ELP2: variants seen among roughly 807,000 people sequenced by gnomAD.
The protein encoded by ELP2 is elongator acetyltransferase complex subunit 2, also known as elongator complex protein 2.
In ELP2, 90 loss-of-function variants were observed where a neutral mutation model predicts 119.2. The ratio of observed to expected loss-of-function variants is 0.75; its 90% CI spans 0.64 to 0.90. ELP2 has a LOEUF of 0.90. Among genes scored for constraint, ELP2 ranks in the 40% least tolerant of loss-of-function variants. ELP2 has a pLI of 0.00. For synonymous variants in ELP2, 339 were observed against 331.0 expected (o/e 1.02, Z -0.26); for missense variants, 921 against 967.8 (o/e 0.95, Z 0.64).
rs770193509 is a variant in ELP2 at position 36,171,110 on chromosome 18, T to C, written c.2274T>C (p.Asp758=). ...KICLYTWKKT[D]QVPEINDWTH... ...GCTTATATACCTGGAAAAAGACTGATCAAGTTCCAGAAATAAATGACTGGA... is the reference window on the plus strand; with the variant it reads ...GCTTATATACCTGGAAAAAGACTGACCAAGTTCCAGAAATAAATGACTGGA... Residue 758 remains aspartate, a synonymous_variant, in exon 21 of 22, where the codon GAT becomes GAC. Transcript: ENST00000358232. The C allele has an allele frequency of 6.2e-7, 1 of 1,614,098 alleles. No homozygotes were observed. The highest frequency in any genetic ancestry group is 8.5e-7 in the Non-Finnish European group (1 of 1,179,944).
At chr18:36,164,422 C>G in intron 17 of ELP2, 53 bp from the exon 18 acceptor site, 1 of 1,498,870 alleles carries the variant, frequency 6.7e-7, no homozygotes, top group South Asian at 1.1e-5. Context: ...AAAATGTTTT[C>G]TCTTCAGTTT....
intron 3 of ELP2, chr18:36,137,128 G>C (rs1187641227): frequency 6.6e-6 from 1 of 152,174 alleles, no homozygotes. Flanking sequence ...AGTTATGTGT[G>C]TATAATTATG....
At chr18:36,170,002 A>G in intron 19 of ELP2, 61 bp from the exon 20 acceptor site, 1 of 1,607,206 alleles carries the variant, frequency 6.2e-7, no homozygotes, top group Non-Finnish European at 8.5e-7. Context: ...ATGAAACTGT[A>G]GTACATGGCT....
chr18:36,167,752 C>T (rs2090951144), intron 19 of ELP2, among the ~76,000 whole-genome samples: 1 of 150,770 alleles, frequency 6.6e-6, no homozygotes, highest in Non-Finnish European at 1.5e-5. Flanking sequence ...CGGCTCACTG[C>T]AGCCTGGACC....
intron 2 of ELP2, among the ~76,000 whole-genome samples, chr18:36,134,125 G>A (rs569669914): frequency 2.6e-5 from 4 of 151,980 alleles, no homozygotes; most frequent in South Asian, 2.1e-4. Context: ...TACTGTACCC[G>A]GCCAGCTATT....
At chr18:36,155,024 A>T (rs376344375) in intron 12 of ELP2, 25 bp downstream of exon 12, 16 of 1,583,868 alleles carry the variant, frequency 1.0e-5, no homozygotes, top group South Asian at 6.7e-5. Flanking sequence ...TTATTTATTT[A>T]TTTTTTCTTG....
Position 36,174,560 on chromosome 18 carries a change from A to G in ELP2, c.2400A>G (p.Glu800=), listed in dbSNP as rs759212228. The change falls in exon 22 of 22, where the codon GAA becomes GAG. Residue 800 remains glutamate (E), a synonymous_variant. Coordinates refer to ENST00000358232, the MANE Select transcript of ELP2 (RefSeq NM_018255.4). ...CSGKTEQKEA[E]GAEWLHFASC... is the part of the protein sequence containing the mutation. ...GAAAAACTGAACAGAAGGAAGCAGA[A>G]GGTGCTGAGTGGTTACACTTTGCAA... 1 of 1,614,148 alleles carries G rather than the reference A, an allele frequency of 6.2e-7. No individual in the cohort carries two copies. Among genetic ancestry groups the G allele is most frequent in the Non-Finnish European group, 8.5e-7 (1 of 1,179,970 alleles).
intron 3 of ELP2, 158 bp downstream of exon 3, chr18:36,136,535 G>A (rs1044334811): frequency 1.9e-5 from 13 of 671,704 alleles, no homozygotes; most frequent in Middle Eastern, 8.1e-4. Flanking sequence ...CTGACACCAT[G>A]CCTGGCTGAT....
At chr18:36,153,161 T>A (rs2090456370) in intron 11 of ELP2, among the ~76,000 whole-genome samples, 1 of 152,172 alleles carries the variant, frequency 6.6e-6, no homozygotes, top group African/African-American at 2.4e-5. Flanking sequence ...GAATTTTGGA[T>A]TGAATATTTC....
At chr18:36,144,741 G>A (rs1303677271) in intron 8 of ELP2, among the ~76,000 whole-genome samples, 198 bp from the exon 9 acceptor site, 1 of 152,168 alleles carries the variant, frequency 6.6e-6, no homozygotes, top group Non-Finnish European at 1.5e-5. Context: ...AAGGAAAAAT[G>A]TATAACTTTT....
chr18:36,131,346 C>T (rs1226388844), intron 1 of ELP2, among the ~76,000 whole-genome samples: 1 of 152,188 alleles, frequency 6.6e-6, no homozygotes, highest in Non-Finnish European at 1.5e-5. Context: ...TTAAAGGGAC[C>T]ATGAGGCAAG....
chr18:36,136,932 C>A (rs138959024), intron 3 of ELP2, among the ~76,000 whole-genome samples: 31 of 151,942 alleles, frequency 2.0e-4, no homozygotes, highest in African/African-American at 7.2e-4. Flanking sequence ...TTTAAAAATT[C>A]TCTGATTGAG....
Position 36,178,076 on chromosome 18 carries a change from C to G in ELP2, c.*3435C>G, listed in dbSNP as rs1156902217. ...AGCTGTTGCTGCTAGTGGGAACAGC[C>G]CTGATGTCCATGTAACAAGCTGCCC... is the stretch of plus-strand genomic sequence containing the variant. On this transcript the variant is annotated 3_prime_UTR_variant, in exon 22 of 22. Coordinates refer to ENST00000358232, the MANE Select transcript of ELP2 (RefSeq NM_018255.4). The G allele has an allele frequency of 2.6e-5, 4 of 152,132 alleles. No homozygotes were observed. The East Asian group carries it at 5.8e-4, about 22-fold the overall frequency. The allele number at this position is 152,132 out of a possible 1,614,324, so 9.4% of individuals were successfully genotyped here.
At chr18:36,169,588 A>G (rs1013841966) in intron 19 of ELP2, among the ~76,000 whole-genome samples, 9 of 151,992 alleles carry the variant, frequency 5.9e-5, no homozygotes, top group South Asian at 4.1e-4. Flanking sequence ...GGGTTTCACT[A>G]TGTTGGCCAG....
At position 36,139,718 on chromosome 18, in the gene ELP2, G is replaced by T. The variant is rs572577967; in HGVS notation, c.523+846G>T. On this transcript the variant is annotated intron_variant, in intron 5 of 21. Transcript: ENST00000358232. ...ACATTGGTGGCAAGGCATGTCCTTA[G>T]AAAAAGTCTCTTATCTAGCAGAGTC... The T allele has an allele frequency of 1.3e-4, 137 of 1,019,658 alleles. 1 individual carries two copies. In the East Asian group the frequency reaches 3.5e-3, roughly 26 times the overall value. 63.2% of individuals were successfully genotyped at this position (1,019,658 alleles called of 1,614,324 possible).
At chr18:36,154,829 A>G (rs1182832481) in intron 11 of ELP2, 21 bp from the exon 12 acceptor site, 2 of 1,613,636 alleles carry the variant, frequency 1.2e-6, no homozygotes, top group Non-Finnish European at 1.7e-6. Context: ...TTGATATGTG[A>G]TATGAGCACT....
At chr18:36,156,890 T>C (rs1246786103) in intron 13 of ELP2, among the ~76,000 whole-genome samples, 1 of 152,146 alleles carries the variant, frequency 6.6e-6, no homozygotes, top group Admixed American at 6.6e-5. Context: ...TAGTGTTCAA[T>C]TGAGACATGA....
intron 17 of ELP2, among the ~76,000 whole-genome samples, chr18:36,162,788 A>G (rs932671478): frequency 3.3e-5 from 5 of 152,140 alleles, no homozygotes; most frequent in African/African-American, 1.2e-4. Flanking sequence ...GCTGTGATTT[A>G]TATTTCTCTA....
chr18:36,168,435 TCA>T (rs2090969259), intron 19 of ELP2, among the ~76,000 whole-genome samples: 2 of 152,286 alleles, frequency 1.3e-5, no homozygotes, highest in South Asian at 4.1e-4. Flanking sequence ...TTTAATTGAC[TCA>T]CAGTTCCTCA....
Sources: allele counts gnomAD v4.1 joint callset (sites outside exome capture counted in the v4.1 genomes callset), GRCh38; gene constraint gnomAD v4.1.1; transcripts MANE v1.5; gene names NCBI Gene and HGNC (gene_info 2026-07-23, HGNC 2026-07-21).